DEAF1: variants seen among roughly 807,000 people sequenced by gnomAD.
The protein encoded by DEAF1 is DEAF1 transcription factor, also known as deformed epidermal autoregulatory factor 1 homolog.
A neutral mutation model predicts 58.9 loss-of-function variants in DEAF1; 53 were observed. The observed-to-expected ratio is 0.90, with a 90% CI of 0.72 to 1.13. The LOEUF (loss-of-function observed/expected upper bound fraction) is 1.13, where lower values mean the gene tolerates loss of function less well. DEAF1 is among the 50% of genes most tolerant of loss of function. DEAF1 has a pLI of 0.00. For synonymous variants in DEAF1, 385 were observed against 340.4 expected (o/e 1.13, Z -1.44); for missense variants, 685 against 791.4 (o/e 0.87, Z 1.61).
At chr11:685,082 C>CTTTTTT (rs55670454) in intron 5 of DEAF1, 119 bp from the exon 6 acceptor site, 62 of 358,034 alleles carry the variant, frequency 1.7e-4, no homozygotes, top group South Asian at 2.9e-4. Context: ...TATAAAAATT[C>CTTTTTT]TTTTTTTTTT....
intron 10 of DEAF1, among the ~76,000 whole-genome samples, chr11:657,209 G>GAC (rs988936871): frequency 2.0e-5 from 3 of 152,082 alleles, no homozygotes; most frequent in African/African-American, 7.2e-5. Context: ...ACTCTCTTAA[G>GAC]ACTTGCCAAT....
upstream of DEAF1, chr11:699,018 TC>T: frequency 9.2e-7 from 1 of 1,090,758 alleles, no homozygotes; most frequent in Non-Finnish European, 1.4e-6. Flanking sequence ...AGGGGGGTGT[TC>T]CTTGACAGAT....
intron 11 of DEAF1, 111 bp downstream of exon 11, chr11:653,851 G>C (rs1022083351): frequency 1.1e-6 from 1 of 931,458 alleles, no homozygotes; most frequent in African/African-American, 1.6e-5. Context: ...GGAGGGACAG[G>C]GAGGGGAGTC....
rs776237661 is a variant in DEAF1, at chr11:687,981, C to T, written c.594G>A (p.Val198=). 5 of 1,614,010 alleles carry T rather than the reference C, an allele frequency of 3.1e-6. No individual in the cohort carries two copies. The African/African-American group carries it at 6.7e-5, about 22-fold the overall frequency. ...GGTKYNWDPS[V]YDSELPVRCR... ...ACCGTACGGGCAGCTCACTGTCGTA[C>T]ACAGAAGGGTCCCAGTTGTATTTAG... The change falls in exon 4 of 12, where the codon GTG becomes GTA. Residue 198 remains valine (V), a synonymous_variant. Transcript: ENST00000382409.
rs7123677 is a variant in DEAF1 at position 688,804 on chromosome 11, C to T, written c.388-344G>A. Among the ~76,000 whole-genome samples the T allele has an allele frequency of 0.19, 28,717 of 152,126 alleles. 3,554 individuals are homozygous for T. The highest frequency in any genetic ancestry group is 0.36 in the African/African-American group (14,960 of 41,474). ...TCTTCATGCAGAGTTTCCAACAGACCGAGTTGGCCGCCACAGACAAGGCCT... is the reference window on the plus strand; with the variant it reads ...TCTTCATGCAGAGTTTCCAACAGACTGAGTTGGCCGCCACAGACAAGGCCT... On this transcript the variant is annotated intron_variant, in intron 2 of 11. Transcript: ENST00000382409. This position sits in a 1 kb window ranked among gnomAD's most constrained non-coding sequence, Gnocchi z 4.3.
intron 10 of DEAF1, among the ~76,000 whole-genome samples, chr11:670,931 G>GTTTTTTTT (rs558436376): frequency 0.12 from 10,566 of 91,088 alleles, 2,030 homozygotes; most frequent in African/African-American, 0.19. Flanking sequence ...CCTGGCTAAT[G>GTTTTTTTT]TTTTTTTTTT....
At chr11:695,887 C>CG, upstream of DEAF1, 1 of 1,217,634 alleles carries the variant, frequency 8.2e-7, no homozygotes. Flanking sequence ...CTTGCAGCGG[C>CG]GGGCGCGGCG....
intron 1 of DEAF1, among the ~76,000 whole-genome samples, chr11:693,154 G>A (rs1408759864): frequency 6.6e-6 from 1 of 152,200 alleles, no homozygotes; most frequent in African/African-American, 2.4e-5. Flanking sequence ...TTTTTCAGAA[G>A]AAAACACACG....
upstream of DEAF1, chr11:700,180 C>G (rs141889473): frequency 1.2e-6 from 2 of 1,614,130 alleles, no homozygotes; most frequent in Non-Finnish European, 1.7e-6. Context: ...TTTATCTCAG[C>G]GGAACGTACT....
chr11:696,855 G>A (rs1590031849), upstream of DEAF1, among the ~76,000 whole-genome samples: 8 of 151,960 alleles, frequency 5.3e-5, no homozygotes, highest in South Asian at 1.2e-3. Context: ...CAAAGCGGGC[G>A]GATCACCTGA....
chr11:700,084 C>T, upstream of DEAF1: 1 of 1,467,864 alleles, frequency 6.8e-7, no homozygotes, highest in Non-Finnish European at 9.5e-7. Flanking sequence ...TCTTGTTCAG[C>T]CACCTGGGAG....
At chr11:679,843 C>T (rs376521650) in intron 7 of DEAF1, 27 bp from the exon 8 acceptor site, 8 of 1,611,232 alleles carry the variant, frequency 5.0e-6, no homozygotes, top group East Asian at 4.5e-5. Context: ...ACATTTCACG[C>T]GGCCAGGCAG....
upstream of DEAF1, among the ~76,000 whole-genome samples, chr11:696,815 C>T (rs1375077978): frequency 8.1e-5 from 1 of 12,414 alleles, no homozygotes; most frequent in South Asian, 2.9e-3. Flanking sequence ...CGCAGTAGCT[C>T]ACGCCTGTAA....
upstream of DEAF1, among the ~76,000 whole-genome samples, chr11:697,145 G>A (rs1479701158): frequency 2.7e-5 from 4 of 150,846 alleles, no homozygotes; most frequent in South Asian, 2.1e-4. Flanking sequence ...TCCCAGCTAC[G>A]TGGGAGGCTG....
At chr11:650,011 T>C (rs1858688352) in intron 11 of DEAF1, among the ~76,000 whole-genome samples, 1 of 149,646 alleles carries the variant, frequency 6.7e-6, no homozygotes, top group Non-Finnish European at 1.5e-5. Flanking sequence ...GGCGACAGAG[T>C]GAGATTGTCT....
upstream of DEAF1, chr11:695,808 C>G (rs1590029945): frequency 8.1e-7 from 1 of 1,232,810 alleles, no homozygotes; most frequent in East Asian, 3.2e-5. Flanking sequence ...CGCGACGGAC[C>G]GGCGGGCGGG....
rs1285975711 is a variant in DEAF1, at chr11:704,908, G to T, written c.-438+1664C>A. 1.4e-5 allele frequency: 5 copies of T among 353,760 alleles called. No individual in the cohort carries two copies. In the East Asian group the frequency reaches 3.7e-4, roughly 26 times the overall value. 21.9% of individuals were successfully genotyped at this position (353,760 alleles called of 1,614,324 possible). On this transcript the variant is annotated intron_variant, in intron 1 of 11. Transcript: ENST00000683307. ...CCAGCTCTGCCTCCAGGAAGGGTGAGGGCACGGGTGCACCGAGGGGTTGGC... is the reference window on the plus strand; with the variant it reads ...CCAGCTCTGCCTCCAGGAAGGGTGATGGCACGGGTGCACCGAGGGGTTGGC...
At position 688,816 on chromosome 11, in the gene DEAF1, C is replaced by A. The variant is rs1035812238; in HGVS notation, c.388-356G>T. On this transcript the variant is annotated intron_variant, in intron 2 of 11. Coordinates refer to ENST00000382409, the MANE Select transcript of DEAF1 (RefSeq NM_021008.4). This position sits in a 1 kb window ranked among gnomAD's most constrained non-coding sequence, Gnocchi z 4.3. ...GTTTCCAACAGACCGAGTTGGCCGC[C>A]ACAGACAAGGCCTTGTGCAGGACCG... Among the ~76,000 whole-genome samples, 6 of 152,166 alleles carry A rather than the reference C, an allele frequency of 3.9e-5. No individual in the cohort carries two copies. The highest frequency in any genetic ancestry group is 8.8e-5 in the Non-Finnish European group (6 of 68,034).
intron 2 of DEAF1, among the ~76,000 whole-genome samples, chr11:690,015 C>T (rs1318384476): frequency 1.3e-5 from 2 of 151,536 alleles, no homozygotes; most frequent in Non-Finnish European, 2.9e-5. Flanking sequence ...TGTGTGTTCT[C>T]ACACCCACCA....
Sources: allele counts gnomAD v4.1 joint callset (sites outside exome capture counted in the v4.1 genomes callset), GRCh38; gene constraint gnomAD v4.1.1; non-coding constraint Gnocchi (gnomAD v3.1); transcripts MANE v1.5; gene names NCBI Gene and HGNC (gene_info 2026-07-23, HGNC 2026-07-21).